CTNND2: variants seen among roughly 807,000 people sequenced by gnomAD.
CTNND2 encodes catenin delta-2.
CTNND2 carries 22 observed loss-of-function variants against 144.4 expected under a neutral mutation model. The ratio of observed to expected loss-of-function variants is 0.15; its 90% CI spans 0.11 to 0.22. The LOEUF (loss-of-function observed/expected upper bound fraction) is 0.22, where lower values mean the gene tolerates loss of function less well. Among genes scored for constraint, CTNND2 ranks in the 10% least tolerant of loss-of-function variants. CTNND2 has a pLI of 1.00. For synonymous variants in CTNND2, 751 were observed against 695.6 expected (o/e 1.08, Z -1.25); for missense variants, 1,353 against 1,618.8 (o/e 0.84, Z 2.82).
At chr5:10,989,326 T>C (rs762318063) in intron 19 of CTNND2, among the ~76,000 whole-genome samples, 4 of 152,194 alleles carry the variant, frequency 2.6e-5, no homozygotes, top group Non-Finnish European at 5.9e-5. Context: ...CCAGCTCCCA[T>C]AGCCCAGGGC....
At chr5:11,068,958 G>C (rs1192050825) in intron 16 of CTNND2, among the ~76,000 whole-genome samples, 1 of 152,146 alleles carries the variant, frequency 6.6e-6, no homozygotes, top group African/African-American at 2.4e-5. Context: ...TCTGCTAGAC[G>C]ACAGAACAGA....
At chr5:11,364,911 G>C in intron 7 of CTNND2, 21 bp from the exon 8 acceptor site, 1 of 1,598,262 alleles carries the variant, frequency 6.3e-7, no homozygotes, top group South Asian at 1.1e-5. Flanking sequence ...TCAACAGAGG[G>C]ACATCAAAGC....
At chr5:11,772,823 C>CA (rs1296293323) in intron 1 of CTNND2, among the ~76,000 whole-genome samples, 2 of 152,122 alleles carry the variant, frequency 1.3e-5, no homozygotes, top group African/African-American at 4.8e-5. Flanking sequence ...TTCAAGGTGG[C>CA]AAGATGTTCT....
intron 14 of CTNND2, among the ~76,000 whole-genome samples, chr5:11,099,299 T>C (rs1052961960): frequency 2.6e-5 from 4 of 152,226 alleles, no homozygotes; most frequent in African/African-American, 9.6e-5. Flanking sequence ...TGCTATAGTC[T>C]ATTAGACACA....
intron 2 of CTNND2, among the ~76,000 whole-genome samples, chr5:11,678,423 C>A (rs561067238): frequency 6.6e-6 from 1 of 152,220 alleles, no homozygotes; most frequent in East Asian, 1.9e-4. Flanking sequence ...AAATAAAACT[C>A]CCCAACCAGC....
intron 2 of CTNND2, among the ~76,000 whole-genome samples, chr5:11,714,594 T>C (rs1786240538): frequency 6.6e-6 from 1 of 152,100 alleles, no homozygotes; most frequent in Admixed American, 6.6e-5. Flanking sequence ...TGATACAATC[T>C]TCCTCATATG....
At chr5:11,205,208 TAC>T (rs1268582824) in intron 10 of CTNND2, among the ~76,000 whole-genome samples, 1 of 152,108 alleles carries the variant, frequency 6.6e-6, no homozygotes, top group East Asian at 1.9e-4. Context: ...ATATCATATA[TAC>T]ACACATACAC....
chr5:11,193,773 C>T (rs1689951116), intron 11 of CTNND2, among the ~76,000 whole-genome samples: 1 of 152,066 alleles, frequency 6.6e-6, no homozygotes, highest in Non-Finnish European at 1.5e-5. Context: ...GAAAAATAGG[C>T]TGGGGATGTT....
At chr5:11,133,943 C>T (rs966047190) in intron 12 of CTNND2, among the ~76,000 whole-genome samples, 6 of 152,212 alleles carry the variant, frequency 3.9e-5, no homozygotes, top group African/African-American at 1.4e-4. Flanking sequence ...AAGATTCCTA[C>T]CCTTTGGTCG....
intron 3 of CTNND2, among the ~76,000 whole-genome samples, chr5:11,459,709 A>T (rs42682): frequency 0.14 from 20,918 of 152,230 alleles, 4,651 homozygotes; most frequent in African/African-American, 0.47. Context: ...TATTTAAAAC[A>T]TTAAAACTAA....
At chr5:11,599,698 T>C (rs902635662) in intron 2 of CTNND2, among the ~76,000 whole-genome samples, 8 of 152,148 alleles carry the variant, frequency 5.3e-5, no homozygotes, top group East Asian at 1.9e-4. Context: ...GTGAGTACAA[T>C]TCAGTGAAAA....
At chr5:11,744,477 A>G (rs1788191947) in intron 1 of CTNND2, among the ~76,000 whole-genome samples, 1 of 152,158 alleles carries the variant, frequency 6.6e-6, no homozygotes, top group Admixed American at 6.5e-5. Context: ...AGATGGAGTG[A>G]TTGACAGTGT....
In CTNND2 at chr5:11,283,705, A is replaced by G. The variant is rs112147872; in HGVS notation, c.1629-46882T>C. The stretch of plus-strand genomic sequence containing the variant: ...AAAAAAAAAAAAAAAAAAAAAAAAA[A>G]AGAGAGAGACATGGGAATCTGTATA... On this transcript the variant is annotated intron_variant, in intron 9 of 21. Transcript: ENST00000304623. Among the ~76,000 whole-genome samples, 855 of 123,204 alleles carry G rather than the reference A, an allele frequency of 6.9e-3. 6 individuals are homozygous for G. The highest frequency in any genetic ancestry group is 0.019 in the African/African-American group (584 of 30,634). The allele number at this position is 123,204 out of a possible 152,430, so 80.8% of individuals were successfully genotyped here.
intron 10 of CTNND2, among the ~76,000 whole-genome samples, chr5:11,226,700 C>T (rs1487171146): frequency 6.6e-6 from 1 of 152,222 alleles, no homozygotes; most frequent in Non-Finnish European, 1.5e-5. Flanking sequence ...CAATTACCTC[C>T]CACTGGGTCC....
At chr5:11,503,650 G>A (rs566464863) in intron 3 of CTNND2, among the ~76,000 whole-genome samples, 25 of 152,114 alleles carry the variant, frequency 1.6e-4, no homozygotes, top group Non-Finnish European at 2.9e-4. Context: ...TAGTCATGAC[G>A]GTGCAAACAT....
intron 11 of CTNND2, among the ~76,000 whole-genome samples, chr5:11,188,078 T>C (rs1024796637): frequency 6.6e-6 from 1 of 152,158 alleles, no homozygotes; most frequent in Admixed American, 6.6e-5. Context: ...GAAATATCAT[T>C]TGACCCAGCA....
intron 2 of CTNND2, among the ~76,000 whole-genome samples, chr5:11,704,638 TA>T (rs1785609867): frequency 6.6e-6 from 1 of 151,972 alleles, no homozygotes; most frequent in South Asian, 2.1e-4. Context: ...GGATGCATCC[TA>T]ACCTTTAACC....
intron 3 of CTNND2, among the ~76,000 whole-genome samples, chr5:11,489,017 T>C (rs1367167258): frequency 6.6e-6 from 1 of 151,214 alleles, no homozygotes; most frequent in Non-Finnish European, 1.5e-5. Context: ...CTAGTATAAA[T>C]ACTTGTGTGC....
At chr5:11,708,541 T>G (rs1046725520) in intron 2 of CTNND2, among the ~76,000 whole-genome samples, 13 of 152,218 alleles carry the variant, frequency 8.5e-5, no homozygotes, top group African/African-American at 2.9e-4. Context: ...TGTATCCATT[T>G]GCACAACCTG....
Sources: gnomAD v4.1 joint callset for allele counts (sites outside exome capture counted in the v4.1 genomes callset) on GRCh38, gnomAD v4.1.1 for gene constraint, MANE v1.5 for transcripts, NCBI Gene and HGNC (gene_info 2026-07-23, HGNC 2026-07-21) for gene names.